DLGAP1: variants seen among roughly 807,000 people sequenced by gnomAD.
DLGAP1 encodes disks large-associated protein 1.
Under a neutral mutation model 90.8 loss-of-function variants are expected in DLGAP1, and 11 were observed. The observed-to-expected ratio is 0.12, with a 90% CI of 0.08 to 0.20. DLGAP1 has a LOEUF of 0.20. Ranked by LOEUF, DLGAP1 falls within the 10% of genes least tolerant of loss-of-function variation. The pLI is 1.00. For missense variants in DLGAP1, 1,050 were observed against 1,333.8 expected (o/e 0.79, Z 3.31); for synonymous variants, 558 against 540.7 (o/e 1.03, Z -0.44).
intron 5 of DLGAP1, among the ~76,000 whole-genome samples, chr18:3,807,064 C>T (rs2066600444): frequency 6.6e-6 from 1 of 152,186 alleles, no homozygotes; most frequent in Admixed American, 6.5e-5. Flanking sequence ...GGTCATTGGT[C>T]CTTCTTTCCT....
At chr18:4,300,112 G>A in intron 1 of DLGAP1, among the ~76,000 whole-genome samples, 1 of 152,086 alleles carries the variant, frequency 6.6e-6, no homozygotes. Context: ...AAAGCATATA[G>A]AGAAATACTT....
intron 1 of DLGAP1, among the ~76,000 whole-genome samples, chr18:4,234,928 T>A (rs12961282): frequency 6.6e-6 from 1 of 152,224 alleles, no homozygotes; most frequent in Non-Finnish European, 1.5e-5. Flanking sequence ...CCCTGAACTT[T>A]GTGTTTAAAT....
intron 1 of DLGAP1, among the ~76,000 whole-genome samples, chr18:4,402,048 T>C (rs1457399179): frequency 6.6e-6 from 1 of 152,110 alleles, no homozygotes; most frequent in Non-Finnish European, 1.5e-5. Context: ...AGTGCCAGGG[T>C]TCCTTGAGAG....
intron 4 of DLGAP1, among the ~76,000 whole-genome samples, chr18:3,849,177 T>G (rs1419497839): frequency 1.3e-5 from 2 of 152,226 alleles, no homozygotes; most frequent in Non-Finnish European, 2.9e-5. Context: ...GGGCATGCTT[T>G]GCTGAACATC....
chr18:3,754,050 G>C (rs1347214952), intron 5 of DLGAP1, among the ~76,000 whole-genome samples: 1 of 152,152 alleles, frequency 6.6e-6, no homozygotes, highest in Admixed American at 6.5e-5. Flanking sequence ...ATCTAGGCTA[G>C]AGTGCAGTGG....
In DLGAP1 at chr18:4,231,954, T is replaced by G. The variant is rs369203126; in HGVS notation, c.-266-80667A>C. Among the ~76,000 whole-genome samples, 84 of 152,340 alleles carry G rather than the reference T, an allele frequency of 5.5e-4. No individual in the cohort carries two copies. The East Asian group carries it at 9.1e-3, about 16-fold the overall frequency. On this transcript the variant is annotated intron_variant, in intron 1 of 12. Transcript: ENST00000315677. ...AATCCCTAATAGGTTAAGCCCATTG[T>G]GTATTAATAATAAGTATTAATACAT... is the stretch of plus-strand genomic sequence containing the variant.
chr18:3,571,902 C>T (rs2054813734), intron 8 of DLGAP1, among the ~76,000 whole-genome samples: 1 of 152,074 alleles, frequency 6.6e-6, no homozygotes, highest in Non-Finnish European at 1.5e-5. Context: ...ATTTCTGAAG[C>T]TCAATTGTGT....
intron 3 of DLGAP1, among the ~76,000 whole-genome samples, chr18:3,893,462 C>A (rs145467589): frequency 0.018 from 2,735 of 151,906 alleles, 34 homozygotes; most frequent in Middle Eastern, 0.038. Flanking sequence ...GCTTGTAATT[C>A]CAGCTACTCA....
intron 1 of DLGAP1, among the ~76,000 whole-genome samples, chr18:4,284,203 GA>G (rs11392858): frequency 0.031 from 4,145 of 134,582 alleles, 177 homozygotes; most frequent in African/African-American, 0.1. Context: ...TGCCTCTACT[GA>G]AAAAAAAAAA....
chr18:4,171,732 G>T (rs1194003480), intron 1 of DLGAP1, among the ~76,000 whole-genome samples: 3 of 152,152 alleles, frequency 2.0e-5, no homozygotes, highest in African/African-American at 7.2e-5. Flanking sequence ...CTAGCTTTCA[G>T]TGTTCTCTAA....
intron 1 of DLGAP1, among the ~76,000 whole-genome samples, chr18:4,232,696 A>G (rs935076356): frequency 2.6e-5 from 4 of 152,174 alleles, no homozygotes; most frequent in African/African-American, 9.7e-5. Flanking sequence ...TGGTTTGTGG[A>G]CCTCTGGAAT....
intron 1 of DLGAP1, among the ~76,000 whole-genome samples, chr18:4,318,169 A>C (rs947432023): frequency 6.6e-6 from 1 of 152,226 alleles, no homozygotes; most frequent in Non-Finnish European, 1.5e-5. Context: ...AGTGATATTA[A>C]AAAAGAAAGA....
intron 1 of DLGAP1, among the ~76,000 whole-genome samples, chr18:4,437,870 T>C (rs930528038): frequency 2.6e-5 from 4 of 152,164 alleles, no homozygotes; most frequent in Non-Finnish European, 5.9e-5. Context: ...GTAATTAACA[T>C]ATATAGGAAT....
intron 1 of DLGAP1, among the ~76,000 whole-genome samples, chr18:4,249,650 C>A (rs1339541787): frequency 6.6e-6 from 1 of 152,094 alleles, no homozygotes; most frequent in East Asian, 1.9e-4. Context: ...TGCAGTGGTG[C>A]AATCATAGCT....
At chr18:3,515,949 T>C (rs1002990279) in intron 10 of DLGAP1, among the ~76,000 whole-genome samples, 1 of 152,218 alleles carries the variant, frequency 6.6e-6, no homozygotes, top group African/African-American at 2.4e-5. Context: ...GGCTCATCCA[T>C]AAGAAGTAAC....
intron 1 of DLGAP1, among the ~76,000 whole-genome samples, chr18:4,271,903 T>C (rs775403053): frequency 3.1e-4 from 47 of 152,210 alleles, no homozygotes; most frequent in Non-Finnish European, 4.7e-4. Context: ...AAGTACCCTT[T>C]TTGATGCACA....
chr18:4,011,883 T>C (rs969359104), intron 2 of DLGAP1, among the ~76,000 whole-genome samples: 2 of 152,024 alleles, frequency 1.3e-5, no homozygotes, highest in Non-Finnish European at 2.9e-5. Context: ...AAAAATCTTC[T>C]AACTTCTCAG....
intron 8 of DLGAP1, among the ~76,000 whole-genome samples, chr18:3,571,675 G>A (rs1432171165): frequency 2.0e-5 from 3 of 151,642 alleles, no homozygotes; most frequent in Admixed American, 6.6e-5. Flanking sequence ...CTGCAGGCGC[G>A]TCCACCATGC....
At chr18:3,883,756 C>A (rs922245015) in intron 3 of DLGAP1, among the ~76,000 whole-genome samples, 4 of 152,224 alleles carry the variant, frequency 2.6e-5, no homozygotes, top group Non-Finnish European at 5.9e-5. Flanking sequence ...TTGGGGGGAC[C>A]ATTCCATCAG....
Sources: allele counts gnomAD v4.1 joint callset (sites outside exome capture counted in the v4.1 genomes callset), GRCh38; gene constraint gnomAD v4.1.1; transcripts MANE v1.5; gene names NCBI Gene and HGNC (gene_info 2026-07-23, HGNC 2026-07-21).